RIMS1: variants seen among roughly 807,000 people sequenced by gnomAD.
The protein encoded by RIMS1 is regulating synaptic membrane exocytosis 1.
In RIMS1, 83 loss-of-function variants were observed where a neutral mutation model predicts 214.1. The observed-to-expected ratio is 0.39, with a 90% CI of 0.32 to 0.47. The LOEUF is 0.47. Ranked by LOEUF, RIMS1 falls within the 20% of genes least tolerant of loss-of-function variation. RIMS1 has a pLI of 0.99. For missense variants in RIMS1, 2,050 were observed against 2,161.8 expected (o/e 0.95, Z 1.03); for synonymous variants, 793 against 786.8 (o/e 1.01, Z -0.13).
intron 2 of RIMS1, among the ~76,000 whole-genome samples, chr6:72,056,364 C>T (rs1826172055): frequency 6.6e-6 from 1 of 152,288 alleles, no homozygotes; most frequent in East Asian, 1.9e-4. Context: ...ACACCCATGA[C>T]ATGCAGTTTA....
chr6:72,073,874 G>A (rs888412774), intron 2 of RIMS1, among the ~76,000 whole-genome samples: 1 of 152,102 alleles, frequency 6.6e-6, no homozygotes, highest in Non-Finnish European at 1.5e-5. Flanking sequence ...GTACACATCA[G>A]TTTATTATAT....
intron 26 of RIMS1, among the ~76,000 whole-genome samples, chr6:72,296,208 T>A (rs922370484): frequency 6.5e-4 from 99 of 151,988 alleles, no homozygotes; most frequent in Middle Eastern, 3.4e-3. Context: ...AATGTTTTTT[T>A]AAAAATTTAT....
At chr6:71,939,933 A>G (rs1194880426) in intron 1 of RIMS1, among the ~76,000 whole-genome samples, 1 of 152,218 alleles carries the variant, frequency 6.6e-6, no homozygotes, top group Non-Finnish European at 1.5e-5. Flanking sequence ...GGAGTTAAAT[A>G]CCTGCTCTGT....
At chr6:72,037,760 A>G (rs796518672) in intron 2 of RIMS1, among the ~76,000 whole-genome samples, 6 of 151,874 alleles carry the variant, frequency 4.0e-5, no homozygotes, top group East Asian at 1.9e-4. Flanking sequence ...AGGCTTTTTT[A>G]TGTTCTTACT....
intron 22 of RIMS1, among the ~76,000 whole-genome samples, chr6:72,274,102 G>A (rs1255933083): frequency 2.0e-5 from 3 of 151,964 alleles, no homozygotes; most frequent in Admixed American, 6.6e-5. Flanking sequence ...CTTAATAGGC[G>A]GATTCCAAAC....
rs1166395967 is a variant in RIMS1, at chr6:72,046,296, G to A, written c.246-50653G>A. On this transcript the variant is annotated intron_variant, in intron 2 of 33. Coordinates refer to ENST00000521978, the MANE Select transcript of RIMS1 (RefSeq NM_014989.7). ...TCCATCATTGTGTGTGTGTGGAAAGGGGTTGGGAGGGGAGTGAGATAGGGT... is the reference window on the plus strand; with the variant it reads ...TCCATCATTGTGTGTGTGTGGAAAGAGGTTGGGAGGGGAGTGAGATAGGGT... Among the ~76,000 whole-genome samples the A allele has an allele frequency of 2.6e-5, 4 of 152,066 alleles. No individual in the cohort carries two copies. The East Asian group carries it at 7.7e-4, about 29-fold the overall frequency.
intron 6 of RIMS1, among the ~76,000 whole-genome samples, chr6:72,186,770 T>C (rs2049159631): frequency 9.4e-6 from 1 of 106,260 alleles, no homozygotes. Flanking sequence ...GAACTGCATG[T>C]ATATATGTAC....
intron 1 of RIMS1, among the ~76,000 whole-genome samples, chr6:71,894,217 G>T (rs878919295): frequency 6.6e-6 from 1 of 152,176 alleles, no homozygotes; most frequent in Admixed American, 6.5e-5. Context: ...GGCCAAAGCG[G>T]GTGGATCACT....
chr6:72,230,610 C>G (rs2061643330), intron 6 of RIMS1, among the ~76,000 whole-genome samples: 2 of 151,378 alleles, frequency 1.3e-5, no homozygotes, highest in African/African-American at 4.8e-5. Context: ...ATACACAATT[C>G]TAAATTATAG....
intron 4 of RIMS1, among the ~76,000 whole-genome samples, chr6:72,134,462 C>T (rs1366297097): frequency 6.6e-6 from 1 of 151,966 alleles, no homozygotes; most frequent in Non-Finnish European, 1.5e-5. Context: ...GATATTATTA[C>T]TGTTCAGGAA....
chr6:72,293,082 T>A (rs1179760447), intron 26 of RIMS1, among the ~76,000 whole-genome samples: 1 of 152,060 alleles, frequency 6.6e-6, no homozygotes, highest in African/African-American at 2.4e-5. Context: ...AAGACTGATG[T>A]GGCATAGATT....
intron 29 of RIMS1, among the ~76,000 whole-genome samples, chr6:72,343,597 C>A (rs555955742): frequency 3.5e-5 from 5 of 144,074 alleles, no homozygotes; most frequent in African/African-American, 1.3e-4. Context: ...TGGCATGAGT[C>A]ACCACACCTG....
At chr6:71,971,666 C>G (rs1417184264) in intron 2 of RIMS1, among the ~76,000 whole-genome samples, 1 of 152,144 alleles carries the variant, frequency 6.6e-6, no homozygotes, top group African/African-American at 2.4e-5. Flanking sequence ...GGGGAGGTCT[C>G]ACAATCATGC....
intron 29 of RIMS1, among the ~76,000 whole-genome samples, chr6:72,353,287 G>A (rs749645498): frequency 3.3e-5 from 5 of 151,914 alleles, no homozygotes; most frequent in Non-Finnish European, 5.9e-5. Context: ...GTCCGGCTGA[G>A]TTTAAATTCT....
intron 2 of RIMS1, 27 bp downstream of exon 2, chr6:71,969,090 T>G (rs769887707): frequency 5.1e-5 from 81 of 1,602,088 alleles, no homozygotes; most frequent in Non-Finnish European, 6.9e-5. Flanking sequence ...TTTTATTGAC[T>G]GAAAATGTCG....
chr6:72,254,865 C>T (rs1270192279), intron 16 of RIMS1, among the ~76,000 whole-genome samples: 1 of 152,096 alleles, frequency 6.6e-6, no homozygotes, highest in East Asian at 1.9e-4. Context: ...AAAGTGTTTG[C>T]AAACATGCAT....
chr6:72,150,199 A>AC (rs2043341919), intron 4 of RIMS1, among the ~76,000 whole-genome samples: 1 of 151,470 alleles, frequency 6.6e-6, no homozygotes, highest in Non-Finnish European at 1.5e-5. Context: ...AGTATGCAAA[A>AC]AAAAAAGGCT....
intron 26 of RIMS1, chr6:72,296,112 T>C (rs921907908): frequency 2.6e-5 from 4 of 152,270 alleles, no homozygotes; most frequent in African/African-American, 9.7e-5. Context: ...GTGTATTTGA[T>C]ATTAATTATT....
In RIMS1 at chr6:71,968,909, C is replaced by T. The variant is rs561117244; in HGVS notation, c.165-74C>T. The T allele has an allele frequency of 2.9e-5, 41 of 1,395,556 alleles. No individual in the cohort carries two copies. The African/African-American group carries it at 4.7e-4, about 16-fold the overall frequency. 86.4% of individuals were successfully genotyped at this position (1,395,556 alleles called of 1,614,324 possible). ...TTTCCCTTAGAGTGTTTTTCAGTAC[C>T]GTGTTTAATTTCTAGATGTGTTCTA... On this transcript the variant is annotated intron_variant, in intron 1 of 33. Transcript: ENST00000521978.
Sources: allele counts gnomAD v4.1 joint callset (sites outside exome capture counted in the v4.1 genomes callset), GRCh38; gene constraint gnomAD v4.1.1; transcripts MANE v1.5; gene names NCBI Gene and HGNC (gene_info 2026-07-23, HGNC 2026-07-21).